The following ST6GALNAC3 variants were observed in gnomAD, a reference collection of about 807,000 sequenced individuals.
The protein encoded by ST6GALNAC3 is ST6 N-acetylgalactosaminide alpha-2,6-sialyltransferase 3.
A neutral mutation model predicts 32.7 loss-of-function variants in ST6GALNAC3; 25 were observed. The observed-to-expected ratio is 0.76, with a 90% CI of 0.56 to 1.07. The LOEUF (loss-of-function observed/expected upper bound fraction) is 1.07, where lower values mean the gene tolerates loss of function less well. ST6GALNAC3 is among the 50% of genes least tolerant of loss of function. The pLI is 0.00. For missense variants in ST6GALNAC3, 355 were observed against 382.4 expected (o/e 0.93, Z 0.60); for synonymous variants, 129 against 133.1 (o/e 0.97, Z 0.21).
chr1:76,439,805 T>C (rs1656414835), intron 3 of ST6GALNAC3, among the ~76,000 whole-genome samples: 1 of 152,180 alleles, frequency 6.6e-6, no homozygotes, highest in African/African-American at 2.4e-5. Context: ...TACAAGAGTC[T>C]ACAGTAGAAA....
At chr1:76,129,302 C>A (rs74092513) in intron 1 of ST6GALNAC3, among the ~76,000 whole-genome samples, 2,455 of 152,226 alleles carry the variant, frequency 0.016, 72 homozygotes, top group African/African-American at 0.056. Context: ...GGACCACAGA[C>A]CACTCCGGGC....
At chr1:76,517,621 C>G (rs1662251388) in intron 3 of ST6GALNAC3, among the ~76,000 whole-genome samples, 1 of 151,628 alleles carries the variant, frequency 6.6e-6, no homozygotes, top group African/African-American at 2.4e-5. Context: ...CTTTGTTTTA[C>G]TTTCTTTGTT....
intron 1 of ST6GALNAC3, among the ~76,000 whole-genome samples, chr1:76,221,712 G>A (rs2100606240): frequency 6.6e-6 from 1 of 152,248 alleles, no homozygotes; most frequent in South Asian, 2.1e-4. Flanking sequence ...GTTTAAGTAT[G>A]ATAATGAATT....
intron 2 of ST6GALNAC3, among the ~76,000 whole-genome samples, chr1:76,381,175 AAAAAAAAAAAAG>A (rs962827003): frequency 4.3e-5 from 6 of 138,854 alleles, no homozygotes; most frequent in African/African-American, 7.7e-5. Flanking sequence ...TGCTAAAAAA[AAAAAAAAAAAAG>A]AAAAAAAAAA....
At chr1:76,572,555 A>G (rs1199964246) in intron 3 of ST6GALNAC3, among the ~76,000 whole-genome samples, 1 of 152,106 alleles carries the variant, frequency 6.6e-6, no homozygotes, top group African/African-American at 2.4e-5. Flanking sequence ...AGTTTCTGGG[A>G]AGAATTTTGC....
At chr1:76,624,670 T>C (rs556866581) in intron 3 of ST6GALNAC3, among the ~76,000 whole-genome samples, 68 of 152,018 alleles carry the variant, frequency 4.5e-4, no homozygotes, top group African/African-American at 1.5e-3. Flanking sequence ...AATTCACCTT[T>C]ACCCTTAGCA....
intron 2 of ST6GALNAC3, among the ~76,000 whole-genome samples, chr1:76,344,494 G>A (rs1243465019): frequency 1.3e-5 from 2 of 151,918 alleles, no homozygotes; most frequent in East Asian, 1.9e-4. Context: ...TTTAATGTCT[G>A]TCTCCACCAC....
intron 1 of ST6GALNAC3, among the ~76,000 whole-genome samples, chr1:76,090,298 A>C (rs1384086045): frequency 6.6e-6 from 1 of 152,266 alleles, no homozygotes; most frequent in Non-Finnish European, 1.5e-5. Context: ...ATACTTAAGA[A>C]GACAATTTAT....
intron 2 of ST6GALNAC3, among the ~76,000 whole-genome samples, chr1:76,380,845 C>A (rs1317815800): frequency 6.6e-6 from 1 of 152,112 alleles, no homozygotes; most frequent in Non-Finnish European, 1.5e-5. Flanking sequence ...CCATACTGAA[C>A]CTTTCTATAA....
chr1:76,357,603 A>G (rs1649588219), intron 2 of ST6GALNAC3, among the ~76,000 whole-genome samples: 1 of 152,216 alleles, frequency 6.6e-6, no homozygotes, highest in African/African-American at 2.4e-5. Flanking sequence ...CCTCCTCTTT[A>G]GAATGTTAAT....
intron 3 of ST6GALNAC3, among the ~76,000 whole-genome samples, chr1:76,604,329 A>G (rs1647386996): frequency 6.6e-6 from 1 of 152,216 alleles, no homozygotes; most frequent in Non-Finnish European, 1.5e-5. Flanking sequence ...AGAAATTCGT[A>G]AGTAAGCACC....
At chr1:76,269,407 C>T (rs139280253) in intron 1 of ST6GALNAC3, among the ~76,000 whole-genome samples, 60 of 152,332 alleles carry the variant, frequency 3.9e-4, no homozygotes, top group African/African-American at 1.4e-3. Flanking sequence ...CAGCTGCAGT[C>T]ACTTGTGGCC....
intron 2 of ST6GALNAC3, among the ~76,000 whole-genome samples, chr1:76,319,424 A>G (rs1415154286): frequency 6.6e-6 from 1 of 152,206 alleles, no homozygotes; most frequent in Non-Finnish European, 1.5e-5. Flanking sequence ...ACACTAGCCT[A>G]ATTAAAGATG....
At chr1:76,358,065 TA>T (rs1335134481) in intron 2 of ST6GALNAC3, among the ~76,000 whole-genome samples, 2 of 152,138 alleles carry the variant, frequency 1.3e-5, no homozygotes, top group Non-Finnish European at 2.9e-5. Context: ...CTTCTTTTTT[TA>T]AAAAACCATT....
chr1:76,230,255 A>G (rs1656295765), intron 1 of ST6GALNAC3, among the ~76,000 whole-genome samples: 1 of 152,220 alleles, frequency 6.6e-6, no homozygotes, highest in Admixed American at 6.5e-5. Flanking sequence ...ATTGCCTAAG[A>G]ACAGTTTGAA....
At chr1:76,513,749 G>T (rs1045313777) in intron 3 of ST6GALNAC3, among the ~76,000 whole-genome samples, 2 of 152,124 alleles carry the variant, frequency 1.3e-5, no homozygotes, top group Non-Finnish European at 2.9e-5. Context: ...ACTTTGGGTA[G>T]TATGGACATT....
At chr1:76,562,694 T>C (rs1312273403) in intron 3 of ST6GALNAC3, among the ~76,000 whole-genome samples, 1 of 152,226 alleles carries the variant, frequency 6.6e-6, no homozygotes, top group Non-Finnish European at 1.5e-5. Flanking sequence ...TTGTCTTTCA[T>C]TGTGCCTTGT....
intron 1 of ST6GALNAC3, among the ~76,000 whole-genome samples, chr1:76,175,347 C>T (rs1040391130): frequency 6.6e-6 from 1 of 152,112 alleles, no homozygotes; most frequent in African/African-American, 2.4e-5. Context: ...CATTTTTAAC[C>T]CATTGGATAG....
chr1:76,111,377 C>G (rs1647922221), intron 1 of ST6GALNAC3, among the ~76,000 whole-genome samples: 1 of 152,092 alleles, frequency 6.6e-6, no homozygotes, highest in African/African-American at 2.4e-5. Context: ...GGTCTCTAGC[C>G]AATGTCGTCT....
Sources: allele counts gnomAD v4.1 joint callset (sites outside exome capture counted in the v4.1 genomes callset), GRCh38; gene constraint gnomAD v4.1.1; transcripts MANE v1.5; gene names NCBI Gene and HGNC (gene_info 2026-07-23, HGNC 2026-07-21).